GPR155: variants seen among roughly 807,000 people sequenced by gnomAD.
The protein encoded by GPR155 is lysosomal cholesterol signaling protein.
A neutral mutation model predicts 93.1 loss-of-function variants in GPR155; 65 were observed. The ratio of observed to expected loss-of-function variants is 0.70; its 90% CI spans 0.57 to 0.86. GPR155 has a LOEUF of 0.86. GPR155 is among the 40% of genes least tolerant of loss of function. The pLI, the probability that GPR155 is intolerant of heterozygous loss-of-function variation, is 0.00. For synonymous variants in GPR155, 319 were observed against 360.1 expected (o/e 0.89, Z 1.29); for missense variants, 838 against 1,034.8 (o/e 0.81, Z 2.61).
chr2:174,486,209 A>G (rs1688473685), intron 1 of GPR155, among the ~76,000 whole-genome samples: 1 of 152,140 alleles, frequency 6.6e-6, no homozygotes, highest in African/African-American at 2.4e-5. Context: ...TGTCCTCCCT[A>G]GAGACCCAGG....
In GPR155 at chr2:174,479,729, G is replaced by C. The variant is rs1194358010; in HGVS notation, c.460+1768C>G. Among the ~76,000 whole-genome samples the C allele has an allele frequency of 6.6e-5, 10 of 152,200 alleles. No individual in the cohort carries two copies. The South Asian group carries it at 8.3e-4, about 13-fold the overall frequency. On this transcript the variant is annotated intron_variant, in intron 2 of 15. Transcript: ENST00000392552. Reference sequence around the variant, plus strand: ...CACTGTGGTGCCGAGTCAGTTCTAAGGTCCTTATACCATAAATACCTTGAG... The same window carrying C: ...CACTGTGGTGCCGAGTCAGTTCTAACGTCCTTATACCATAAATACCTTGAG...
chr2:174,470,385 C>T lies in GPR155; in HGVS notation c.1026+5G>A, dbSNP rs752258982. The T allele has an allele frequency of 3.7e-6, 6 of 1,606,746 alleles. No individual in the cohort carries two copies. Among genetic ancestry groups the T allele is most frequent in the Non-Finnish European group, 5.1e-6 (6 of 1,174,362 alleles). ...CATCAAACTTAGAAAGTACTATATACATACAATTTCTACTTCCATGTTGAA... is the reference window on the plus strand; with the variant it reads ...CATCAAACTTAGAAAGTACTATATATATACAATTTCTACTTCCATGTTGAA... On this transcript the variant is annotated splice_donor_5th_base_variant and intron_variant, in intron 4 of 15. Coordinates refer to ENST00000392552, the MANE Select transcript of GPR155 (RefSeq NM_152529.7).
At chr2:174,441,799 G>A (rs1686971145) in intron 14 of GPR155, among the ~76,000 whole-genome samples, 1 of 152,012 alleles carries the variant, frequency 6.6e-6, no homozygotes, top group African/African-American at 2.4e-5. Context: ...CTGGAGTGCA[G>A]TGGCACAATC....
chr2:174,468,356 A>T (rs1321636007), intron 5 of GPR155, among the ~76,000 whole-genome samples: 1 of 152,148 alleles, frequency 6.6e-6, no homozygotes, highest in Non-Finnish European at 1.5e-5. Flanking sequence ...TTGATCTGTA[A>T]GATACTCTAG....
At chr2:174,450,134 GA>G (rs34260976) in intron 11 of GPR155, among the ~76,000 whole-genome samples, 48,603 of 136,566 alleles carry the variant, frequency 0.36, 8,631 homozygotes, top group Non-Finnish European at 0.45. Context: ...ATCCTGTCTT[GA>G]AAAAAAAAAA....
chr2:174,483,455 C>T (rs749764338), intron 1 of GPR155, among the ~76,000 whole-genome samples: 2 of 152,180 alleles, frequency 1.3e-5, no homozygotes, highest in African/African-American at 2.4e-5. Context: ...AAATTCAAAA[C>T]ACGAATAGTA....
At chr2:174,472,550 C>G (rs1337499495) in intron 3 of GPR155, among the ~76,000 whole-genome samples, 4 of 152,172 alleles carry the variant, frequency 2.6e-5, no homozygotes, top group Non-Finnish European at 4.4e-5. Context: ...CTACAAAATA[C>G]TTTTCCCAAA....
chr2:174,461,943 T>C (rs1271787365), intron 7 of GPR155, among the ~76,000 whole-genome samples: 1 of 152,166 alleles, frequency 6.6e-6, no homozygotes, highest in Non-Finnish European at 1.5e-5. Flanking sequence ...TGGTTTTTGT[T>C]GTTTGTTTTT....
intron 14 of GPR155, among the ~76,000 whole-genome samples, chr2:174,441,365 G>A (rs757377795): frequency 4.0e-5 from 6 of 151,458 alleles, no homozygotes; most frequent in Non-Finnish European, 8.8e-5. Flanking sequence ...GCCTAGGATA[G>A]GGGCATCACA....
chr2:174,470,613 G>A, intron 3 of GPR155, 58 bp from the exon 4 acceptor site: 1 of 1,503,412 alleles, frequency 6.7e-7, no homozygotes, highest in South Asian at 1.1e-5. Context: ...GTCCCCAGTA[G>A]CAGGCTGCTC....
intron 2 of GPR155, among the ~76,000 whole-genome samples, chr2:174,473,754 C>A (rs1688066912): frequency 6.6e-6 from 1 of 152,096 alleles, no homozygotes. Flanking sequence ...ATGGAAAGAA[C>A]AGTTTTACTG....
intron 2 of GPR155, among the ~76,000 whole-genome samples, chr2:174,478,811 CAA>C (rs1321521534): frequency 6.6e-6 from 1 of 151,972 alleles, no homozygotes; most frequent in Non-Finnish European, 1.5e-5. Context: ...GGCCAGGAAA[CAA>C]AAGACAGAAA....
In GPR155 at chr2:174,445,084, A is replaced by G. The variant is rs1449468562; in HGVS notation, c.2106T>C (p.Gly702=). The G allele has an allele frequency of 6.4e-7, 1 of 1,555,994 alleles. No homozygotes were observed. Among genetic ancestry groups the G allele is most frequent in the East Asian group, 2.2e-5 (1 of 44,550 alleles). The stretch of plus-strand genomic sequence containing the variant: ...AAAGTTCTCCATAAATAAATACCTG[A>G]CCAAAGTTAAACACGGCACAGAAAA... ...LQFFCAVFNF[G]QGFISFGIFG... Residue 702 remains glycine (G), a synonymous_variant, in exon 13 of 16, where the codon GGT becomes GGC. Coordinates refer to ENST00000392552, the MANE Select transcript of GPR155 (RefSeq NM_152529.7).
At chr2:174,446,384 T>C (rs1687131636) in intron 12 of GPR155, among the ~76,000 whole-genome samples, 4 of 150,472 alleles carry the variant, frequency 2.7e-5, no homozygotes, top group Admixed American at 2.7e-4. Flanking sequence ...AATGAATAAA[T>C]GATTCTAAGC....
chr2:174,447,144 C>T (rs1348651280), intron 11 of GPR155, among the ~76,000 whole-genome samples: 1 of 151,540 alleles, frequency 6.6e-6, no homozygotes. Flanking sequence ...CAAGACCAGC[C>T]TGGCCAACAC....
At chr2:174,475,813 C>A (rs890635684) in intron 2 of GPR155, among the ~76,000 whole-genome samples, 1 of 152,026 alleles carries the variant, frequency 6.6e-6, no homozygotes, top group African/African-American at 2.4e-5. Context: ...TATAATAGAG[C>A]AGATATTTTC....
intron 1 of GPR155, among the ~76,000 whole-genome samples, chr2:174,485,393 T>TG (rs1437420621): frequency 1.3e-5 from 2 of 152,164 alleles, no homozygotes; most frequent in Non-Finnish European, 2.9e-5. Context: ...GGTCGGGAGT[T>TG]GGAGACCAGC....
At position 174,442,154 on chromosome 2, in the gene GPR155, TA is replaced by T; in HGVS notation, c.2138del (p.Leu713Ter). On this transcript the variant is annotated frameshift_variant, in exon 14 of 16. Coordinates refer to ENST00000392552, the MANE Select transcript of GPR155 (RefSeq NM_152529.7). LOFTEE classifies it high-confidence loss of function. ...AAGGCAGGATGATTAAATGTTTATC[TA>T]ATCCAAAGATTCCAAAGGAAATAAA... ...QGFISFGIFG[L>X]DKHLIILPFK... is the part of the protein sequence containing the mutation. The T allele has an allele frequency of 7.1e-7, 1 of 1,400,644 alleles. No individual in the cohort carries two copies. Among genetic ancestry groups the T allele is most frequent in the Non-Finnish European group, 1.0e-6 (1 of 987,014 alleles). 86.8% of individuals were successfully genotyped at this position (1,400,644 alleles called of 1,614,324 possible). A position where few individuals can be genotyped will look rare whatever the true frequency, so the allele number is the denominator to read the frequency against.
chr2:174,476,329 G>C (rs1298012927), intron 2 of GPR155, among the ~76,000 whole-genome samples: 1 of 152,146 alleles, frequency 6.6e-6, no homozygotes, highest in Non-Finnish European at 1.5e-5. Flanking sequence ...TCTTTTACCG[G>C]GCATGGTGGC....
Sources: gnomAD v4.1 joint callset for allele counts (sites outside exome capture counted in the v4.1 genomes callset) on GRCh38, gnomAD v4.1.1 for gene constraint, MANE v1.5 for transcripts, NCBI Gene and HGNC (gene_info 2026-07-23, HGNC 2026-07-21) for gene names.